Variants in LARS1 observed in about 807,000 individuals in gnomAD.
LARS1 encodes the protein leucine--tRNA ligase, cytoplasmic.
Under a neutral mutation model 162.8 loss-of-function variants are expected in LARS1, and 100 were observed. The observed-to-expected ratio is 0.61, with a 90% confidence interval of 0.52 to 0.73. The LOEUF (loss-of-function observed/expected upper bound fraction) is 0.73, where lower values mean the gene tolerates loss of function less well. LARS1 is among the 30% of genes least tolerant of loss of function. The pLI is 0.00. For missense variants in LARS1, 1,258 were observed against 1,408.9 expected (o/e 0.89, Z 1.71); for synonymous variants, 457 against 462.8 (o/e 0.99, Z 0.16).
intron 20 of LARS1, chr5:146,142,643 A>AAT: frequency 2.2e-6 from 1 of 460,722 alleles, no homozygotes; most frequent in Non-Finnish European, 3.9e-6. Context: ...GCAGACCAGC[A>AAT]ATGCACCTGA....
chr5:146,135,620 A>C lies in LARS1; in HGVS notation c.2193T>G (p.Ile731Met). 1 of 1,605,216 alleles carries C rather than the reference A, an allele frequency of 6.2e-7. No homozygotes were observed. The highest frequency in any genetic ancestry group is 2.2e-5 in the East Asian group (1 of 44,552). Reference sequence around the variant, plus strand: ...ACTCACCATCTGCTGAAAATTTGTCAATAGCTTGGGTCAAAGTGAGGAAGT... The same window carrying C: ...ACTCACCATCTGCTGAAAATTTGTCCATAGCTTGGGTCAAAGTGAGGAAGT... The part of the protein sequence containing the change: ...TGNFLTLTQA[I>M]DKFSADGMRL... The change falls in exon 22 of 32, where the codon ATT becomes ATG. Residue 731 changes from isoleucine (I) to methionine (M), a missense_variant. Coordinates refer to ENST00000394434, the MANE Select transcript of LARS1 (RefSeq NM_020117.11).
At chr5:146,181,366 C>T (rs938432871) in intron 1 of LARS1, among the ~76,000 whole-genome samples, 1 of 66,350 alleles carries the variant, frequency 1.5e-5, no homozygotes, top group Non-Finnish European at 3.0e-5. Flanking sequence ...AAAAAACAAA[C>T]AAACAAACAA....
chr5:146,168,655 A>G (rs554171445), intron 4 of LARS1, among the ~76,000 whole-genome samples: 19 of 152,294 alleles, frequency 1.2e-4, no homozygotes, highest in African/African-American at 4.6e-4. Context: ...ACTGCACTCT[A>G]GCCTGGGCAA....
intron 15 of LARS1, among the ~76,000 whole-genome samples, chr5:146,146,073 T>C (rs904184942): frequency 6.6e-6 from 1 of 152,060 alleles, no homozygotes; most frequent in African/African-American, 2.4e-5. Context: ...GCTCTAGAAA[T>C]AGAGATAAGG....
intron 19 of LARS1, 65 bp from the exon 20 acceptor site, chr5:146,143,149 T>C (rs910608403): frequency 1.1e-6 from 1 of 941,812 alleles, no homozygotes; most frequent in Non-Finnish European, 1.5e-6. Context: ...GAAGAATCAG[T>C]ACCTGAATCG....
chr5:146,148,793 T>C (rs1263860632), intron 15 of LARS1, among the ~76,000 whole-genome samples: 2 of 152,026 alleles, frequency 1.3e-5, no homozygotes, highest in Non-Finnish European at 2.9e-5. Flanking sequence ...AGATGGAGAT[T>C]AGCCGGGCAT....
rs9686750 is a variant in LARS1, at chr5:146,175,577, C to T, written c.125+1970G>A. On this transcript the variant is annotated intron_variant, in intron 2 of 31. Coordinates refer to ENST00000394434, the MANE Select transcript of LARS1 (RefSeq NM_020117.11). ...AAAAAAGGCCGGGCGCAGTGGCTCA[C>T]GCCTGTAATCCCAGCACTTTGGAAG... 9.4e-3 allele frequency among the ~76,000 whole-genome samples: 1,401 copies of T among 149,508 alleles called. 28 individuals carry two copies. The highest frequency in any genetic ancestry group is 0.033 in the African/African-American group (1,329 of 40,656).
In LARS1 at chr5:146,128,801, G is replaced by C; in HGVS notation, c.2770-19C>G. ...CAGTCTTCTAGACGGTAAAAGAAAGGAAAAACATTCAATAGCTTTTATATA... is the reference window on the plus strand; with the variant it reads ...CAGTCTTCTAGACGGTAAAAGAAAGCAAAAACATTCAATAGCTTTTATATA... On this transcript the variant is annotated intron_variant, in intron 26 of 31. Transcript: ENST00000394434. 6.3e-7 allele frequency: 1 copy of C among 1,585,416 alleles called. No homozygotes were observed.
chr5:146,157,655 TA>T, intron 9 of LARS1, 27 bp from the exon 10 acceptor site: 1 of 1,612,906 alleles, frequency 6.2e-7, no homozygotes. Flanking sequence ...AATATTGATG[TA>T]AAAACATGTC....
chr5:146,143,549 G>A lies in LARS1; in HGVS notation c.1740C>T (p.Gly580=). The A allele has an allele frequency of 6.2e-7, 1 of 1,612,290 alleles. No homozygotes were observed. The highest frequency in any genetic ancestry group is 8.5e-7 in the Non-Finnish European group (1 of 1,179,046). Reference sequence around the variant, plus strand: ...ACTGCTCATCCCAAGGCAGGTGAGTGCCTGAAAAATAAAAAGTAACGCATG... The same window carrying A: ...ACTGCTCATCCCAAGGCAGGTGAGTACCTGAAAAATAAAAAGTAACGCATG... ...EHACSRTYGL[G]THLPWDEQWL... The change falls in exon 19 of 32, where the codon GGC becomes GGT. Residue 580 remains glycine (G), a splice_region_variant and synonymous_variant. Transcript: ENST00000394434.
intron 4 of LARS1, among the ~76,000 whole-genome samples, chr5:146,169,496 A>G (rs1754163644): frequency 6.6e-6 from 1 of 152,156 alleles, no homozygotes. Context: ...TTATTGAGTA[A>G]CAGGACATTC....
intron 4 of LARS1, among the ~76,000 whole-genome samples, chr5:146,170,178 GA>G (rs1754198477): frequency 6.6e-6 from 1 of 152,112 alleles, no homozygotes; most frequent in African/African-American, 2.4e-5. Context: ...AATAAAAAGT[GA>G]AAAACAGCAG....
chr5:146,123,929 G>A (rs1474223405), intron 29 of LARS1, 53 bp downstream of exon 29: 3 of 887,436 alleles, frequency 3.4e-6, no homozygotes, highest in South Asian at 3.6e-5. Flanking sequence ...TAAAAGAGCT[G>A]GATTATGGTT....
chr5:146,135,444 T>C (rs971717398), intron 22 of LARS1, among the ~76,000 whole-genome samples, 157 bp downstream of exon 22: 1 of 152,168 alleles, frequency 6.6e-6, no homozygotes, highest in Admixed American at 6.5e-5. Flanking sequence ...TCTTATATAT[T>C]AAATATTATG....
At chr5:146,181,691 C>T (rs944032342) in intron 1 of LARS1, among the ~76,000 whole-genome samples, 1 of 151,800 alleles carries the variant, frequency 6.6e-6, no homozygotes, top group Non-Finnish European at 1.5e-5. Flanking sequence ...CTGTACTACC[C>T]CACCGTACAC....
intron 1 of LARS1, among the ~76,000 whole-genome samples, chr5:146,179,931 T>G (rs994294113): frequency 5.3e-5 from 8 of 152,196 alleles, no homozygotes; most frequent in Non-Finnish European, 7.3e-5. Flanking sequence ...AAATTCCTCC[T>G]TAACCAACTT....
rs527263030 is a variant in LARS1 at position 146,128,340 on chromosome 5, C to T, written c.2880+332G>A. Among the ~76,000 whole-genome samples, 23 of 152,190 alleles carry T rather than the reference C, an allele frequency of 1.5e-4. No homozygotes were observed. The South Asian group carries it at 4.8e-3, about 32-fold the overall frequency. ...TAAATTTAATGAATGACTCCCACTGCTCAAGTTACAACAAATTCCAAAGGC... is the reference window on the plus strand; with the variant it reads ...TAAATTTAATGAATGACTCCCACTGTTCAAGTTACAACAAATTCCAAAGGC... On this transcript the variant is annotated intron_variant, in intron 27 of 31. Transcript: ENST00000394434.
rs377722846 is a variant in LARS1, at chr5:146,160,323, T to C, written c.707+51A>G. On this transcript the variant is annotated intron_variant, in intron 7 of 31. Coordinates refer to ENST00000394434, the MANE Select transcript of LARS1 (RefSeq NM_020117.11). ...AGCACTGGGATTACAGGCGTGAGCC[T>C]CTGTGCCCAACTGATTTTTGCTTTA... 2.2e-5 allele frequency: 23 copies of C among 1,032,968 alleles called. No individual in the cohort carries two copies. In the East Asian group the frequency reaches 2.4e-4, roughly 11 times the overall value. 64.0% of individuals were successfully genotyped at this position (1,032,968 alleles called of 1,614,324 possible).
intron 1 of LARS1, among the ~76,000 whole-genome samples, chr5:146,179,911 C>T (rs1754760422): frequency 6.6e-6 from 1 of 152,174 alleles, no homozygotes; most frequent in African/African-American, 2.4e-5. Context: ...CCAACTTCCA[C>T]TTTATTACTA....
Sources: allele counts gnomAD v4.1 joint callset (sites outside exome capture counted in the v4.1 genomes callset), GRCh38; gene constraint gnomAD v4.1.1; transcripts MANE v1.5; gene names NCBI Gene and HGNC (gene_info 2026-07-23, HGNC 2026-07-21).